CDH13: variants seen among roughly 807,000 people sequenced by gnomAD.
CDH13 encodes the protein cadherin-13.
In CDH13, 24 loss-of-function variants were observed where a neutral mutation model predicts 63.8. That is an observed-to-expected ratio of 0.38 (90% CI 0.27 to 0.53). CDH13 has a LOEUF of 0.53. Among genes scored for constraint, CDH13 ranks in the 20% least tolerant of loss-of-function variants. The pLI is 0.85. For missense variants in CDH13, 1,049 were observed against 903.1 expected, an observed-to-expected ratio of 1.16 and a Z score of -2.07; for synonymous variants, 503 against 355.3, an observed-to-expected ratio of 1.42 and a Z score of -4.67.
intron 3 of CDH13, among the ~76,000 whole-genome samples, chr16:83,073,985 T>C (rs944477449): frequency 6.6e-6 from 1 of 152,326 alleles, no homozygotes; most frequent in South Asian, 2.1e-4. Context: ...CATTTCTATG[T>C]GTTGAGAACA....
intron 4 of CDH13, among the ~76,000 whole-genome samples, chr16:83,155,164 G>C (rs956190194): frequency 3.9e-5 from 6 of 152,194 alleles, no homozygotes; most frequent in African/African-American, 1.4e-4. Flanking sequence ...ATTTGGCAAA[G>C]ACAAGTAGTC....
intron 7 of CDH13, among the ~76,000 whole-genome samples, chr16:83,582,179 C>G (rs1312109817): frequency 2.0e-5 from 3 of 152,152 alleles, no homozygotes; most frequent in African/African-American, 7.2e-5. Flanking sequence ...GGGCTGCTCC[C>G]AGCATTTTAG....
chr16:83,248,090 G>T (rs1905142542), intron 5 of CDH13, among the ~76,000 whole-genome samples: 1 of 152,170 alleles, frequency 6.6e-6, no homozygotes, highest in Non-Finnish European at 1.5e-5. Context: ...CTGATCAGCG[G>T]GGTGCTAATG....
intron 10 of CDH13, among the ~76,000 whole-genome samples, chr16:83,737,230 T>A (rs1911623294): frequency 6.6e-6 from 1 of 152,184 alleles, no homozygotes; most frequent in East Asian, 1.9e-4. Context: ...ATTCTCAGAC[T>A]TAAGTTATTA....
intron 1 of CDH13, among the ~76,000 whole-genome samples, chr16:82,749,499 C>T (rs1055265966): frequency 7.9e-5 from 12 of 152,144 alleles, no homozygotes; most frequent in Non-Finnish European, 1.2e-4. Context: ...TTCCTCCTAA[C>T]AGTGCTCTGA....
intron 4 of CDH13, among the ~76,000 whole-genome samples, chr16:83,202,085 T>C (rs1238104316): frequency 1.3e-5 from 2 of 152,146 alleles, no homozygotes; most frequent in African/African-American, 2.4e-5. Context: ...AATGGCCCCA[T>C]AGTGTCCCCT....
Position 82,705,179 on chromosome 16 carries a change from C to T in CDH13, c.45+78042C>T, listed in dbSNP as rs185328488. 42 of 455,870 alleles carry T rather than the reference C, an allele frequency of 9.2e-5. No homozygotes were observed. In the East Asian group the frequency reaches 1.2e-3, roughly 13 times the overall value. The allele number at this position is 455,870 out of a possible 1,614,324, so 28.2% of individuals were successfully genotyped here. A position where few individuals can be genotyped will look rare whatever the true frequency, so the allele number is the denominator to read the frequency against. On this transcript the variant is annotated intron_variant, in intron 1 of 13. Transcript: ENST00000567109. ...CAAAAGGATCCAGGTAAACAGATTG[C>T]TTCCAGGACTATTATTTCATGATGA...
chr16:82,781,089 G>GT, intron 1 of CDH13, among the ~76,000 whole-genome samples: 1 of 152,290 alleles, frequency 6.6e-6, no homozygotes, highest in Admixed American at 6.5e-5. Context: ...TTTTTTAAGT[G>GT]TATCTTCTGA....
chr16:83,092,870 A>C (rs1033149164), intron 3 of CDH13, among the ~76,000 whole-genome samples: 1 of 152,092 alleles, frequency 6.6e-6, no homozygotes, highest in African/African-American at 2.4e-5. Flanking sequence ...TATGTGGGTG[A>C]AGATCTGAAA....
intron 2 of CDH13, among the ~76,000 whole-genome samples, chr16:82,896,984 T>C (rs1021122021): frequency 6.8e-6 from 1 of 147,516 alleles, no homozygotes; most frequent in East Asian, 2.0e-4. Flanking sequence ...GGTTTCATCA[T>C]GTTAGCCAGG....
intron 3 of CDH13, among the ~76,000 whole-genome samples, chr16:83,032,617 C>G (rs1221161096): frequency 6.6e-6 from 1 of 152,032 alleles, no homozygotes; most frequent in African/African-American, 2.4e-5. Context: ...GGTCTGAAGT[C>G]GCCTGAGAAA....
At chr16:82,937,641 A>G (rs977285273) in intron 2 of CDH13, among the ~76,000 whole-genome samples, 1 of 152,246 alleles carries the variant, frequency 6.6e-6, no homozygotes, top group Non-Finnish European at 1.5e-5. Context: ...ATTGTTGCAA[A>G]CAGAAGGTTA....
chr16:83,596,436 G>C (rs1417111902), intron 7 of CDH13, among the ~76,000 whole-genome samples: 1 of 151,938 alleles, frequency 6.6e-6, no homozygotes, highest in African/African-American at 2.4e-5. Flanking sequence ...TGTGAATTTA[G>C]TCAATTCTTG....
intron 1 of CDH13, among the ~76,000 whole-genome samples, chr16:82,712,124 CAAAT>C (rs1318210164): frequency 6.6e-6 from 1 of 152,130 alleles, no homozygotes; most frequent in Non-Finnish European, 1.5e-5. Flanking sequence ...TACCAGCAAA[CAAAT>C]CATCCAACTG....
intron 1 of CDH13, among the ~76,000 whole-genome samples, chr16:82,658,346 C>G (rs1459038691): frequency 6.6e-6 from 1 of 152,152 alleles, no homozygotes; most frequent in African/African-American, 2.4e-5. Context: ...GTTGATTTGA[C>G]TCCTTTAAAG....
chr16:83,627,046 G>T (rs892304379), intron 8 of CDH13, among the ~76,000 whole-genome samples: 1 of 151,734 alleles, frequency 6.6e-6, no homozygotes, highest in Non-Finnish European at 1.5e-5. Flanking sequence ...ATTTTGGGAG[G>T]CCAAGGCCGA....
chr16:83,280,128 A>G (rs1437291160), intron 5 of CDH13, among the ~76,000 whole-genome samples: 1 of 152,214 alleles, frequency 6.6e-6, no homozygotes, highest in African/African-American at 2.4e-5. Context: ...AACATCAAAC[A>G]AGGATTTCTT....
chr16:83,203,878 C>G (rs2039105263), intron 4 of CDH13, among the ~76,000 whole-genome samples: 1 of 152,030 alleles, frequency 6.6e-6, no homozygotes, highest in African/African-American at 2.4e-5. Flanking sequence ...ATTTATTGTC[C>G]TTTTAGATGG....
intron 8 of CDH13, among the ~76,000 whole-genome samples, chr16:83,614,538 C>T (rs1381689056): frequency 1.3e-5 from 2 of 152,156 alleles, no homozygotes; most frequent in Non-Finnish European, 2.9e-5. Flanking sequence ...ATATTGGCCT[C>T]GCTTCAGTGA....
Sources: allele counts gnomAD v4.1 joint callset (sites outside exome capture counted in the v4.1 genomes callset), GRCh38; gene constraint gnomAD v4.1.1; transcripts MANE v1.5; gene names NCBI Gene and HGNC (gene_info 2026-07-23, HGNC 2026-07-21).